The following VWA8 variants were observed in gnomAD, a reference collection of about 807,000 sequenced individuals.
VWA8 encodes the protein von Willebrand factor A domain-containing protein 8.
VWA8 carries 221 observed loss-of-function variants against 241.5 expected under a neutral mutation model. The observed-to-expected ratio is 0.91, with a 90% CI of 0.82 to 1.02. VWA8 has a LOEUF of 1.02. Ranked by LOEUF, VWA8 falls within the 50% of genes least tolerant of loss-of-function variation. The pLI is 0.00. For missense variants in VWA8, 2,322 were observed against 2,328.7 expected, an observed-to-expected ratio of 1.00 and a Z score of 0.06; for synonymous variants, 852 against 827.1, an observed-to-expected ratio of 1.03 and a Z score of -0.52.
intron 18 of VWA8, among the ~76,000 whole-genome samples, chr13:41,785,368 T>G (rs891877621): frequency 3.3e-5 from 5 of 152,182 alleles, no homozygotes; most frequent in Admixed American, 1.3e-4. Context: ...ATGGGATATA[T>G]TTAATATTTT....
intron 5 of VWA8, among the ~76,000 whole-genome samples, chr13:41,888,725 G>A (rs887217963): frequency 6.6e-6 from 1 of 152,132 alleles, no homozygotes; most frequent in Non-Finnish European, 1.5e-5. Flanking sequence ...ATACATGACT[G>A]TCTCATGCTA....
chr13:41,611,213 ACT>A (rs5803098), intron 39 of VWA8, among the ~76,000 whole-genome samples: 10,749 of 151,970 alleles, frequency 0.071, 506 homozygotes, highest in East Asian at 0.15. Context: ...TTAGCACTTA[ACT>A]CTGTGCATGT....
At chr13:41,604,748 T>G (rs2044542550) in intron 40 of VWA8, among the ~76,000 whole-genome samples, 1 of 152,192 alleles carries the variant, frequency 6.6e-6, no homozygotes, top group African/African-American at 2.4e-5. Flanking sequence ...TTTCTGATTT[T>G]AAGGAACACT....
At chr13:41,851,008 C>G (rs1872510749) in intron 12 of VWA8, among the ~76,000 whole-genome samples, 2 of 152,176 alleles carry the variant, frequency 1.3e-5, no homozygotes, top group South Asian at 4.1e-4. Context: ...ACCATAGTTA[C>G]ATATTTTTTG....
At chr13:41,771,483 T>C (rs1483774050) in intron 20 of VWA8, among the ~76,000 whole-genome samples, 1 of 152,200 alleles carries the variant, frequency 6.6e-6, no homozygotes, top group African/African-American at 2.4e-5. Flanking sequence ...TCCTAAAATA[T>C]GTTTTGCCTT....
intron 24 of VWA8, among the ~76,000 whole-genome samples, chr13:41,722,838 A>G (rs200821331): frequency 6.6e-6 from 1 of 152,146 alleles, no homozygotes; most frequent in Non-Finnish European, 1.5e-5. Flanking sequence ...AAGAGGCAGG[A>G]GAGCAGAGTG....
chr13:41,815,041 C>A (rs1434587977), intron 16 of VWA8, among the ~76,000 whole-genome samples: 1 of 152,044 alleles, frequency 6.6e-6, no homozygotes, highest in Non-Finnish European at 1.5e-5. Context: ...TTCAGGAAGG[C>A]CTCACAGAAA....
chr13:41,766,737 T>C (rs1447069243), intron 20 of VWA8, among the ~76,000 whole-genome samples: 2 of 152,160 alleles, frequency 1.3e-5, no homozygotes, highest in Non-Finnish European at 2.9e-5. Context: ...AGCACCAGAA[T>C]GATTTCCTCC....
At chr13:41,816,878 T>C in intron 15 of VWA8, 103 bp from the exon 16 acceptor site, 1 of 928,588 alleles carries the variant, frequency 1.1e-6, no homozygotes, top group Non-Finnish European at 1.7e-6. Context: ...TAGAATTACA[T>C]TTTTAGAAAA....
At chr13:41,794,759 T>G (rs1170425008) in intron 17 of VWA8, among the ~76,000 whole-genome samples, 2 of 152,206 alleles carry the variant, frequency 1.3e-5, no homozygotes, top group Non-Finnish European at 2.9e-5. Context: ...AGTATGATAT[T>G]GGCTGTGGAC....
intron 12 of VWA8, among the ~76,000 whole-genome samples, chr13:41,864,792 G>A (rs949952040): frequency 2.6e-5 from 4 of 152,068 alleles, no homozygotes; most frequent in Admixed American, 1.3e-4. Context: ...CTTATTGCCA[G>A]TGAATTGTAC....
intron 19 of VWA8, among the ~76,000 whole-genome samples, chr13:41,779,223 TA>T (rs985006609): frequency 1.4e-4 from 20 of 147,868 alleles, no homozygotes; most frequent in African/African-American, 4.7e-4. Context: ...TATATAGATA[TA>T]AAAATATATA....
At chr13:41,894,993 C>T (rs1014498250) in intron 4 of VWA8, among the ~76,000 whole-genome samples, 4 of 151,612 alleles carry the variant, frequency 2.6e-5, no homozygotes, top group Non-Finnish European at 2.9e-5. Context: ...TGGGAGATAA[C>T]AGTCTTTTTT....
At chr13:41,712,298 A>G (rs1403695173) in intron 26 of VWA8, among the ~76,000 whole-genome samples, 1 of 152,222 alleles carries the variant, frequency 6.6e-6, no homozygotes, top group Non-Finnish European at 1.5e-5. Flanking sequence ...GGACATGGAT[A>G]CCCCAAATAC....
chr13:41,774,454 T>A (rs895417841), intron 20 of VWA8, among the ~76,000 whole-genome samples: 1 of 152,264 alleles, frequency 6.6e-6, no homozygotes, highest in African/African-American at 2.4e-5. Context: ...GGAATTTATT[T>A]CAGATAGTCC....
intron 26 of VWA8, among the ~76,000 whole-genome samples, chr13:41,713,524 G>T (rs1239051316): frequency 1.3e-5 from 2 of 152,132 alleles, no homozygotes; most frequent in African/African-American, 4.8e-5. Context: ...AAGGCAGGAA[G>T]AAAATGCATA....
At chr13:41,891,823 C>T (rs1874861750) in intron 4 of VWA8, among the ~76,000 whole-genome samples, 1 of 152,158 alleles carries the variant, frequency 6.6e-6, no homozygotes, top group Non-Finnish European at 1.5e-5. Flanking sequence ...AAGAGGATCG[C>T]TGAAGTTCCT....
rs41288291 is a variant in VWA8 at position 41,727,259 on chromosome 13, C to T, written c.2693G>A (p.Arg898Lys). 0.016 allele frequency: 25,020 copies of T among 1,557,232 alleles called. 241 individuals are homozygous for T. The highest frequency in any genetic ancestry group is 0.018 in the South Asian group (1,489 of 83,946). Residue 898 changes from arginine to lysine, a missense_variant, in exon 24 of 45, where the codon AGG becomes AAG. Coordinates refer to ENST00000379310, the MANE Select transcript of VWA8 (RefSeq NM_015058.2). ...AGGTCTATTTGCCAGAACAATCATC[C>T]TAAAATCAGGATGAATCACTACAAC... The part of the protein sequence containing the change: ...ENVVVIHPDF[R>K]MIVLANRPGF...
chr13:41,738,294 T>C (rs574437433), intron 21 of VWA8, among the ~76,000 whole-genome samples: 97 of 152,146 alleles, frequency 6.4e-4, no homozygotes, highest in South Asian at 1.7e-3. Flanking sequence ...ATCCTAACTA[T>C]AAAAGGAAGG....
Sources: gnomAD v4.1 joint callset for allele counts (sites outside exome capture counted in the v4.1 genomes callset) on GRCh38, gnomAD v4.1.1 for gene constraint, MANE v1.5 for transcripts, NCBI Gene and HGNC (gene_info 2026-07-23, HGNC 2026-07-21) for gene names.